Variants in NBAS observed in about 807,000 individuals in gnomAD.
NBAS encodes NBAS subunit of NRZ tethering complex, also known as NAG/BC035112 fusion.
A neutral mutation model predicts 302.5 loss-of-function variants in NBAS; 219 were observed. That is an observed-to-expected ratio of 0.72 (90% CI 0.65 to 0.81). The LOEUF (loss-of-function observed/expected upper bound fraction) is 0.81, where lower values mean the gene tolerates loss of function less well. Among genes scored for constraint, NBAS ranks in the 30% least tolerant of loss-of-function variants. The probability of loss-of-function intolerance (pLI) is 0.00; values close to 1 mark genes in which losing one functional copy is unlikely to be tolerated. For missense variants in NBAS, 2,932 were observed against 2,841.6 expected, an observed-to-expected ratio of 1.03 and a Z score of -0.72; for synonymous variants, 1,118 against 1,021.6, an observed-to-expected ratio of 1.09 and a Z score of -1.80.
chr2:15,089,770 A>G, the NBAS span, among the ~76,000 whole-genome samples: 2 of 124,034 alleles, frequency 1.6e-5, no homozygotes, highest in African/African-American at 6.4e-5. Flanking sequence ...TTTTTTTGAG[A>G]CAGAGTCTCG....
chr2:14,989,797 A>G, the NBAS span, among the ~76,000 whole-genome samples: 3 of 152,212 alleles, frequency 2.0e-5, no homozygotes, highest in African/African-American at 7.2e-5. Flanking sequence ...GGTAATACAT[A>G]TGCAAAATGT....
chr2:14,957,027 G>T, the NBAS span, among the ~76,000 whole-genome samples: 1 of 152,114 alleles, frequency 6.6e-6, no homozygotes, highest in African/African-American at 2.4e-5. Context: ...TATACAAAGT[G>T]GCAAATTTGG....
At chr2:15,014,765 C>T in the NBAS span, among the ~76,000 whole-genome samples, 36 of 151,562 alleles carry the variant, frequency 2.4e-4, no homozygotes, top group African/African-American at 8.2e-4. Context: ...AACTCAAAAT[C>T]AGTAGAAGGA....
Position 15,379,690 on chromosome 2 carries a change from C to T in NBAS, c.3502G>A (p.Glu1168Lys), listed in dbSNP as rs140855946. Reference sequence around the variant, plus strand: ...GCCAAAACCAAGTCAATACTCTTTTCGTAGCTGACCCTGTAGTGGGGTTTC... The same window carrying T: ...GCCAAAACCAAGTCAATACTCTTTTTGTAGCTGACCCTGTAGTGGGGTTTC... ...KGKPHYRVSYEKSIDLVLAAS... is the reference protein window; with the variant it reads ...KGKPHYRVSYKKSIDLVLAAS... Residue 1168 changes from glutamate (E) to lysine (K), a missense_variant, in exon 30 of 52, where the codon GAA becomes AAA. By Grantham distance (56) the Glu-to-Lys change is moderately conservative. Transcript: ENST00000281513. 4.8e-4 allele frequency: 778 copies of T among 1,614,012 alleles called. No individual in the cohort carries two copies. The highest frequency in any genetic ancestry group is 5.7e-4 in the Non-Finnish European group (676 of 1,179,984).
chr2:15,474,102 G>A lies in NBAS; in HGVS notation c.1564C>T (p.Arg522Cys), dbSNP rs187987936. 1.1e-4 allele frequency: 170 copies of A among 1,614,162 alleles called. No homozygotes were observed. The highest frequency in any genetic ancestry group is 2.2e-4 in the Admixed American group (13 of 60,032). The change falls in exon 15 of 52, where the codon CGC (arginine) becomes TGC (cysteine). Residue 522 changes from arginine (R) to cysteine (C), a missense_variant. Arg to Cys is a radical substitution (Grantham distance 180). Transcript: ENST00000281513. ...ITKNYRLVSL[R>C]STTPEELYQR... ...TAAAGTTCCTCTGGTGTCGTGGAGC[G>A]CAAACTCACAAGGCGGTAGTTTTTA...
At chr2:14,974,963 A>G in the NBAS span, among the ~76,000 whole-genome samples, 2 of 152,196 alleles carry the variant, frequency 1.3e-5, no homozygotes, top group Non-Finnish European at 2.9e-5. Context: ...AGAATTCAAC[A>G]TTCCATTTCT....
the NBAS span, among the ~76,000 whole-genome samples, chr2:15,097,915 TTATATATTA>T: frequency 8.7e-6 from 1 of 115,402 alleles, no homozygotes; most frequent in Non-Finnish European, 1.7e-5. Context: ...ATATACAATA[TTATATATTA>T]TATATATTAC....
chr2:15,352,799 C>T (rs1169690397), intron 34 of NBAS, among the ~76,000 whole-genome samples: 1 of 152,146 alleles, frequency 6.6e-6, no homozygotes, highest in African/African-American at 2.4e-5. Flanking sequence ...TGGCCAACAC[C>T]TGAGATCTTA....
chr2:15,303,352 G>A lies in NBAS; in HGVS notation c.4797+4864C>T, dbSNP rs150048674. Among the ~76,000 whole-genome samples, 923 of 152,232 alleles carry A rather than the reference G, an allele frequency of 6.1e-3. 11 individuals carry two copies. The highest frequency in any genetic ancestry group is 0.02 in the African/African-American group (813 of 41,534). ...TGTATTCTTTATACCACAATGTCAA[G>A]CTCTATGTCCTTTAGAGTAGGTACT... On this transcript the variant is annotated intron_variant, in intron 40 of 51. Coordinates refer to ENST00000281513, the MANE Select transcript of NBAS (RefSeq NM_015909.4).
In NBAS at chr2:15,193,932, G is replaced by T. The variant is rs147867432; in HGVS notation, c.6433-3529C>A. 3.0e-3 allele frequency among the ~76,000 whole-genome samples: 449 copies of T among 151,938 alleles called. 2 individuals are homozygous for T. The highest frequency in any genetic ancestry group is 0.01 in the African/African-American group (428 of 41,446). On this transcript the variant is annotated intron_variant, in intron 48 of 51. Coordinates refer to ENST00000281513, the MANE Select transcript of NBAS (RefSeq NM_015909.4). ...GGAAAATTCTGAAGAGTGGTAAAAA[G>T]AAAGTACACTAGCCTGGAGTTGCAA...
At chr2:15,043,839 C>T in the NBAS span, among the ~76,000 whole-genome samples, 1 of 152,162 alleles carries the variant, frequency 6.6e-6, no homozygotes, top group Non-Finnish European at 1.5e-5. Flanking sequence ...TTGGAGGGTG[C>T]CTTCTGACTC....
At chr2:15,529,925 GTAAT>G (rs1663142597) in intron 9 of NBAS, among the ~76,000 whole-genome samples, 1 of 152,068 alleles carries the variant, frequency 6.6e-6, no homozygotes. Context: ...AATAAATTGT[GTAAT>G]TATTTGCAGC....
chr2:15,013,895 GCAGCACATCACATCACCAGTGATGTGTGA>G, the NBAS span, among the ~76,000 whole-genome samples: 36 of 152,070 alleles, frequency 2.4e-4, no homozygotes, highest in African/African-American at 8.2e-4. Context: ...CACCTGTGAA[GCAGCACATCACATCACCAGTGATGTGTGA>G]ACACACATCA....
At chr2:15,118,006 G>A in the NBAS span, among the ~76,000 whole-genome samples, 1 of 152,220 alleles carries the variant, frequency 6.6e-6, no homozygotes, top group African/African-American at 2.4e-5. Context: ...GCAGAGCTCT[G>A]TTATCAGAGC....
At chr2:15,379,567 C>G in intron 30 of NBAS, 35 bp downstream of exon 30, 4 of 1,591,290 alleles carry the variant, frequency 2.5e-6, no homozygotes, top group Non-Finnish European at 3.4e-6. Context: ...TGACTTTCCC[C>G]CTCCATCTTA....
chr2:15,140,787 G>A, the NBAS span, among the ~76,000 whole-genome samples: 2 of 152,164 alleles, frequency 1.3e-5, no homozygotes, highest in Non-Finnish European at 2.9e-5. Flanking sequence ...CAGAAAGGAA[G>A]TGAAAAAGTA....
At chr2:15,175,167 C>T (rs951745236) in intron 51 of NBAS, among the ~76,000 whole-genome samples, 3 of 152,038 alleles carry the variant, frequency 2.0e-5, no homozygotes, top group Non-Finnish European at 2.9e-5. Flanking sequence ...GGGGTTTCAC[C>T]GTGTTAGCCA....
intron 35 of NBAS, among the ~76,000 whole-genome samples, chr2:15,350,202 C>A (rs1391408415): frequency 1.3e-5 from 2 of 152,080 alleles, no homozygotes; most frequent in Non-Finnish European, 2.9e-5. Flanking sequence ...GACTCCACAA[C>A]TGAAGCTTTG....
the NBAS span, among the ~76,000 whole-genome samples, chr2:14,791,427 A>G: frequency 6.6e-6 from 1 of 152,242 alleles, no homozygotes; most frequent in Non-Finnish European, 1.5e-5. Flanking sequence ...GTGTTGAGAA[A>G]TTAAGATGAG....
Sources: gnomAD v4.1 joint callset for allele counts (sites outside exome capture counted in the v4.1 genomes callset) on GRCh38, gnomAD v4.1.1 for gene constraint, MANE v1.5 for transcripts, NCBI Gene and HGNC (gene_info 2026-07-23, HGNC 2026-07-21) for gene names.